SASH1: variants seen among roughly 807,000 people sequenced by gnomAD.
SASH1 encodes SAM and SH3 domain-containing protein 1.
In SASH1, 44 loss-of-function variants were observed where a neutral mutation model predicts 125.2. That is an observed-to-expected ratio of 0.35 (90% confidence interval 0.28 to 0.45). The LOEUF is 0.45. Among genes scored for constraint, SASH1 ranks in the 20% least tolerant of loss-of-function variants. SASH1 has a pLI of 1.00. For synonymous variants in SASH1, 639 were observed against 649.1 expected (o/e 0.98, Z 0.24); for missense variants, 1,426 against 1,614.5 (o/e 0.88, Z 2.00).
At chr6:148,366,194 A>G (rs1782450417) in intron 1 of SASH1, among the ~76,000 whole-genome samples, 1 of 152,070 alleles carries the variant, frequency 6.6e-6, no homozygotes, top group African/African-American at 2.4e-5. Context: ...TGAGGTGGGA[A>G]GATTGCTTGA....
the SASH1 span, among the ~76,000 whole-genome samples, chr6:148,199,385 A>AC: frequency 1.3e-5 from 2 of 151,756 alleles, no homozygotes; most frequent in African/African-American, 2.4e-5. Flanking sequence ...GAAAAAAAAA[A>AC]AAAAAACTGA....
chr6:148,359,678 T>A (rs958855199), intron 1 of SASH1, among the ~76,000 whole-genome samples: 6 of 152,228 alleles, frequency 3.9e-5, no homozygotes, highest in African/African-American at 1.4e-4. Flanking sequence ...GGTAAAGTGC[T>A]ATCACACAGT....
At chr6:148,194,739 C>CTAATTT in the SASH1 span, among the ~76,000 whole-genome samples, 449 of 152,298 alleles carry the variant, frequency 2.9e-3, 1 homozygote, top group Non-Finnish European at 4.6e-3. Flanking sequence ...AACCCCGTCT[C>CTAATTT]TACTAAAAAT....
At chr6:148,265,026 T>A in the SASH1 span, among the ~76,000 whole-genome samples, 1 of 152,228 alleles carries the variant, frequency 6.6e-6, no homozygotes, top group Non-Finnish European at 1.5e-5. Flanking sequence ...CATTATAAAT[T>A]TAAGCTTTAG....
intron 7 of SASH1, among the ~76,000 whole-genome samples, chr6:148,481,341 G>A (rs999154492): frequency 6.6e-6 from 1 of 152,104 alleles, no homozygotes; most frequent in Non-Finnish European, 1.5e-5. Context: ...CAATAAGGCT[G>A]TTCCATTTTC....
chr6:148,249,367 G>A, the SASH1 span, among the ~76,000 whole-genome samples: 56 of 150,112 alleles, frequency 3.7e-4, no homozygotes, highest in Non-Finnish European at 7.5e-4. Context: ...ACACACATGC[G>A]CACGTGGGCT....
At chr6:148,276,154 C>A (rs1265132661) in intron 1 of SASH1, among the ~76,000 whole-genome samples, 1 of 152,186 alleles carries the variant, frequency 6.6e-6, no homozygotes. Flanking sequence ...ATTCTCTCTC[C>A]ATTTTTGCTT....
intron 6 of SASH1, among the ~76,000 whole-genome samples, chr6:148,472,985 A>T (rs1352698979): frequency 6.6e-6 from 1 of 152,178 alleles, no homozygotes; most frequent in Non-Finnish European, 1.5e-5. Context: ...CCACACGCTG[A>T]CCAGAGGCAC....
chr6:148,206,793 G>GCACACACA, the SASH1 span, among the ~76,000 whole-genome samples: 7,552 of 134,422 alleles, frequency 0.056, 441 homozygotes, highest in African/African-American at 0.15. Context: ...CCATCTCAAA[G>GCACACACA]CACACACACA....
At chr6:148,528,077 T>C (rs1781300235) in intron 12 of SASH1, among the ~76,000 whole-genome samples, 1 of 151,976 alleles carries the variant, frequency 6.6e-6, no homozygotes, top group Non-Finnish European at 1.5e-5. Flanking sequence ...TCAAAGTTCT[T>C]CCTGGGTACC....
At chr6:148,268,473 T>C (rs1244021729), upstream of SASH1, among the ~76,000 whole-genome samples, 1 of 152,216 alleles carries the variant, frequency 6.6e-6, no homozygotes, top group Non-Finnish European at 1.5e-5. Context: ...AGAAAAAATG[T>C]AATCAACTGC....
At chr6:148,241,791 T>C in the SASH1 span, among the ~76,000 whole-genome samples, 3 of 152,312 alleles carry the variant, frequency 2.0e-5, no homozygotes, top group Admixed American at 6.5e-5. Context: ...GCTTCAACCT[T>C]CTTATCTGGG....
At chr6:148,203,733 A>C in the SASH1 span, among the ~76,000 whole-genome samples, 5 of 152,234 alleles carry the variant, frequency 3.3e-5, no homozygotes, top group South Asian at 1.0e-3. Flanking sequence ...TGAAGTAAAA[A>C]TGGGCTAACT....
In SASH1 at chr6:148,495,937, G is replaced by A. The variant is rs1246691088; in HGVS notation, c.729+8222G>A. Among the ~76,000 whole-genome samples, 1 of 152,066 alleles carries A rather than the reference G, an allele frequency of 6.6e-6. No individual in the cohort carries two copies. The highest frequency in any genetic ancestry group is 1.5e-5 in the Non-Finnish European group (1 of 68,036). On this transcript the variant is annotated intron_variant, in intron 8 of 19. Transcript: ENST00000367467. This position sits in a 1 kb window ranked among gnomAD's most constrained non-coding sequence, Gnocchi z 4.0. Reference sequence around the variant, plus strand: ...TGCAACCTCCACCTCCTGGGTTCACGCGATTCTCCTGCCTCAGCCTCCAGA... The same window carrying A: ...TGCAACCTCCACCTCCTGGGTTCACACGATTCTCCTGCCTCAGCCTCCAGA...
intron 4 of SASH1, among the ~76,000 whole-genome samples, chr6:148,444,523 G>A (rs1023416375): frequency 5.9e-5 from 9 of 152,162 alleles, no homozygotes; most frequent in South Asian, 4.1e-4. Context: ...TGGAAAGAAA[G>A]AACAGACCCT....
chr6:148,366,797 C>T lies in SASH1; in HGVS notation c.157-23337C>T, dbSNP rs552075480. 5.5e-4 allele frequency among the ~76,000 whole-genome samples: 83 copies of T among 152,130 alleles called. 1 individual carries two copies. In the South Asian group the frequency reaches 0.014, roughly 26 times the overall value. On this transcript the variant is annotated intron_variant, in intron 1 of 19. Coordinates refer to ENST00000367467, the MANE Select transcript of SASH1 (RefSeq NM_015278.5). ...ATTTTTGGCAGAGACGGGGTTTCAC[C>T]GTATTGGTCAGGCTGGTCTCAAACT...
chr6:148,477,917 G>A (rs971138307), intron 7 of SASH1, among the ~76,000 whole-genome samples: 2 of 151,880 alleles, frequency 1.3e-5, no homozygotes, highest in Non-Finnish European at 2.9e-5. Context: ...GGCTGGTCTC[G>A]AACTCCTGAC....
intron 1 of SASH1, among the ~76,000 whole-genome samples, chr6:148,305,623 C>CAAAAAAAAAAAAAA (rs59521298): frequency 9.6e-6 from 1 of 104,366 alleles, no homozygotes; most frequent in Non-Finnish European, 1.9e-5. Flanking sequence ...GACTCTGACT[C>CAAAAAAAAAAAAAA]AAAAAAAAAA....
upstream of SASH1, among the ~76,000 whole-genome samples, chr6:148,268,971 G>A (rs957781123): frequency 6.6e-5 from 10 of 152,130 alleles, no homozygotes; most frequent in Non-Finnish European, 7.4e-5. Context: ...ATAGCCACTC[G>A]TTTCATGTAA....
Sources: gnomAD v4.1 joint callset for allele counts (sites outside exome capture counted in the v4.1 genomes callset) on GRCh38, gnomAD v4.1.1 for gene constraint, Gnocchi (gnomAD v3.1) non-coding constraint, MANE v1.5 for transcripts, NCBI Gene and HGNC (gene_info 2026-07-23, HGNC 2026-07-21) for gene names.